ANO2: variants seen among roughly 807,000 people sequenced by gnomAD.
ANO2 encodes anoctamin 2.
Under a neutral mutation model 124.2 loss-of-function variants are expected in ANO2, and 101 were observed. That is an observed-to-expected ratio of 0.81 (90% CI 0.69 to 0.96). ANO2 has a LOEUF of 0.96. Ranked by LOEUF, ANO2 falls within the 40% of genes least tolerant of loss-of-function variation. The pLI is 0.00. For synonymous variants in ANO2, 486 were observed against 482.5 expected, an observed-to-expected ratio of 1.01 and a Z score of -0.09; for missense variants, 1,293 against 1,274.5, an observed-to-expected ratio of 1.01 and a Z score of -0.22.
At chr12:5,920,728 C>T (rs11615666) in intron 3 of ANO2, among the ~76,000 whole-genome samples, 1 of 151,864 alleles carries the variant, frequency 6.6e-6, no homozygotes, top group Non-Finnish European at 1.5e-5. Flanking sequence ...TTAGCTGGGT[C>T]TGGTGGCGGG....
chr12:5,613,084 TAG>T, intron 17 of ANO2, 126 bp from the exon 18 acceptor site: 2 of 909,190 alleles, frequency 2.2e-6, no homozygotes, highest in Non-Finnish European at 3.6e-6. Context: ...GGGCGAGTGC[TAG>T]ATCACTCAGG....
At chr12:5,651,737 CTTTGTAGTCTAT>C in intron 14 of ANO2, among the ~76,000 whole-genome samples, 1 of 152,190 alleles carries the variant, frequency 6.6e-6, no homozygotes, top group African/African-American at 2.4e-5. Flanking sequence ...TCCCATGTCC[CTTTGTAGTCTAT>C]CACCTCCCCC....
Position 5,643,314 on chromosome 12 carries a change from T to G in ANO2, c.1620+4413A>C, listed in dbSNP as rs186137169. Among the ~76,000 whole-genome samples, 494 of 152,360 alleles carry G rather than the reference T, an allele frequency of 3.2e-3. 7 individuals are homozygous for G. The highest frequency in any genetic ancestry group is 3.7e-3 in the Non-Finnish European group (254 of 68,034). The stretch of plus-strand genomic sequence containing the variant: ...GTATTGTCTCTGAACTCTCTATGAG[T>G]AGAATCAAACTGTATATATTCTTTC... On this transcript the variant is annotated intron_variant, in intron 15 of 24. Transcript: ENST00000682330.
chr12:5,780,104 T>A (rs2137132393), intron 10 of ANO2, among the ~76,000 whole-genome samples: 1 of 152,314 alleles, frequency 6.6e-6, no homozygotes, highest in African/African-American at 2.4e-5. Flanking sequence ...ACACATATAT[T>A]AGATTACTTC....
At position 5,636,449 on chromosome 12, in the gene ANO2, C is replaced by T. The variant is rs1318012151; in HGVS notation, c.1621-1102G>A. On this transcript the variant is annotated intron_variant, in intron 15 of 24. Coordinates refer to ENST00000682330, the MANE Select transcript of ANO2 (RefSeq NM_001364791.2). This position sits in a 1 kb window ranked among gnomAD's most constrained non-coding sequence, Gnocchi z 4.6. ...GTCAAGACTTCTTCAAGAAAGAAGA[C>T]TTCCTTCTTAGGACTCTTTCTGTAA... is the stretch of plus-strand genomic sequence containing the variant. Among the ~76,000 whole-genome samples the T allele has an allele frequency of 6.6e-6, 1 of 152,162 alleles. No homozygotes were observed. The highest frequency in any genetic ancestry group is 1.5e-5 in the Non-Finnish European group (1 of 68,032).
intron 16 of ANO2, among the ~76,000 whole-genome samples, chr12:5,627,138 C>T (rs1945454505): frequency 2.0e-5 from 3 of 151,504 alleles, no homozygotes; most frequent in African/African-American, 7.4e-5. Context: ...GGCCTATAAC[C>T]GTACTCACAT....
intron 14 of ANO2, among the ~76,000 whole-genome samples, chr12:5,732,089 T>C (rs1252441903): frequency 1.3e-5 from 2 of 152,198 alleles, no homozygotes; most frequent in Non-Finnish European, 2.9e-5. Context: ...TTCATTTACA[T>C]AGCAATAGTA....
chr12:5,745,802 T>C (rs76098001), intron 11 of ANO2, among the ~76,000 whole-genome samples: 1 of 152,198 alleles, frequency 6.6e-6, no homozygotes, highest in Non-Finnish European at 1.5e-5. Flanking sequence ...GTCGAAAATA[T>C]TAAATAGTCA....
chr12:5,577,457 G>A (rs1942476966), intron 22 of ANO2, among the ~76,000 whole-genome samples: 1 of 152,212 alleles, frequency 6.6e-6, no homozygotes, highest in Non-Finnish European at 1.5e-5. Context: ...GAGTTAAGGA[G>A]GTCACCACAG....
chr12:5,740,800 T>C (rs1951068820), intron 12 of ANO2: 1 of 152,228 alleles, frequency 6.6e-6, no homozygotes, highest in South Asian at 2.1e-4. Flanking sequence ...ACTATGTATG[T>C]CGAGCCCGAA....
chr12:5,798,281 G>T (rs1285106496), intron 10 of ANO2, among the ~76,000 whole-genome samples: 1 of 151,996 alleles, frequency 6.6e-6, no homozygotes, highest in Non-Finnish European at 1.5e-5. Context: ...GCATGTCCCT[G>T]CTCCCCCACC....
chr12:5,903,674 T>TGTGTGG (rs1031011707), intron 3 of ANO2, among the ~76,000 whole-genome samples: 2 of 151,716 alleles, frequency 1.3e-5, no homozygotes, highest in South Asian at 4.2e-4. Context: ...TGTGTGTGTG[T>TGTGTGG]GTGGGTGTAG....
chr12:5,744,400 A>G, intron 11 of ANO2, 83 bp from the exon 12 acceptor site: 3 of 1,495,012 alleles, frequency 2.0e-6, no homozygotes, highest in Non-Finnish European at 2.8e-6. Context: ...AATAGCTCCC[A>G]TTTCCAAATC....
intron 19 of ANO2, among the ~76,000 whole-genome samples, chr12:5,612,205 T>C (rs765364365): frequency 3.3e-5 from 5 of 152,184 alleles, no homozygotes; most frequent in Admixed American, 6.5e-5. Context: ...CACATGATAA[T>C]AACTCATTCA....
rs201149284 is a variant in ANO2 at position 5,563,420 on chromosome 12, G to A, written c.2876C>T (p.Pro959Leu). The change falls in exon 25 of 25, where the codon CCG becomes CTG. Residue 959 changes from proline to leucine, a missense_variant. By Grantham distance (98) the Pro-to-Leu change is moderately conservative. Transcript: ENST00000682330. ...CCCACCTCCTGGGCTCCTCAGAGCC[G>A]GCTCATCCATCAGCTTGAGCTTCTC... ...EHEKLKLMDE[P>L]ALRSPGGGDR... 8.0e-5 allele frequency: 129 copies of A among 1,612,362 alleles called. 1 individual carries two copies. Among genetic ancestry groups the A allele is most frequent in the South Asian group, 3.7e-4 (34 of 90,708 alleles).
chr12:5,787,606 C>T lies in ANO2; in HGVS notation c.1055+11901G>A, dbSNP rs150433368. On this transcript the variant is annotated intron_variant, in intron 10 of 24. Coordinates refer to ENST00000682330, the MANE Select transcript of ANO2 (RefSeq NM_001364791.2). This position sits in a 1 kb window ranked among gnomAD's most constrained non-coding sequence, Gnocchi z 4.2. Reference sequence around the variant, plus strand: ...ACGGGGTGTTGTGAGTTAGCAAATGCCAAGGGGTAGAACAGTGCCTGCCAC... The same window carrying T: ...ACGGGGTGTTGTGAGTTAGCAAATGTCAAGGGGTAGAACAGTGCCTGCCAC... Among the ~76,000 whole-genome samples the T allele has an allele frequency of 4.6e-4, 70 of 152,248 alleles. 1 individual carries two copies. The highest frequency in any genetic ancestry group is 1.7e-3 in the African/African-American group (69 of 41,534).
At chr12:5,771,216 C>T (rs1366187544) in intron 10 of ANO2, among the ~76,000 whole-genome samples, 2 of 152,132 alleles carry the variant, frequency 1.3e-5, no homozygotes, top group African/African-American at 4.8e-5. Flanking sequence ...CTCATCAAAA[C>T]CCCATAAGGT....
At chr12:5,922,588 A>G (rs1162881708) in intron 2 of ANO2, 32 bp downstream of exon 2, 18 of 1,496,690 alleles carry the variant, frequency 1.2e-5, no homozygotes, top group African/African-American at 1.2e-4. Flanking sequence ...GGGCTGGCCT[A>G]TCCCCCCACC....
chr12:5,606,158 T>C (rs768944474), intron 19 of ANO2, among the ~76,000 whole-genome samples: 1 of 152,202 alleles, frequency 6.6e-6, no homozygotes, highest in Non-Finnish European at 1.5e-5. Flanking sequence ...TGATGGAAGA[T>C]GCCTGGACAG....
Sources: gnomAD v4.1 joint callset for allele counts (sites outside exome capture counted in the v4.1 genomes callset) on GRCh38, gnomAD v4.1.1 for gene constraint, Gnocchi (gnomAD v3.1) non-coding constraint, MANE v1.5 for transcripts, NCBI Gene and HGNC (gene_info 2026-07-23, HGNC 2026-07-21) for gene names.